The following BTAF1 variants were observed in gnomAD, a reference collection of about 807,000 sequenced individuals.
BTAF1 encodes the protein B-TFIID TATA-box binding protein associated factor 1, also known as TATA-binding protein-associated factor 172.
BTAF1 carries 38 observed loss-of-function variants against 227.1 expected under a neutral mutation model. That is an observed-to-expected ratio of 0.17 (90% CI 0.13 to 0.22). The LOEUF (loss-of-function observed/expected upper bound fraction) is 0.22. Ranked by LOEUF, BTAF1 falls within the 10% of genes least tolerant of loss-of-function variation. The probability of loss-of-function intolerance (pLI) is 1.00; values close to 1 mark genes in which losing one functional copy is unlikely to be tolerated. For missense variants in BTAF1, 1,598 were observed against 2,204.0 expected (o/e 0.73, Z 5.51); for synonymous variants, 742 against 751.9 (o/e 0.99, Z 0.21).
Position 92,015,263 on chromosome 10 carries a change from C to G in BTAF1, c.4585-1077C>G, listed in dbSNP as rs183418354. On this transcript the variant is annotated intron_variant, in intron 32 of 37. Coordinates refer to ENST00000265990, the MANE Select transcript of BTAF1 (RefSeq NM_003972.3). ...TCCTTGTCTTAGTAAGACATGGCCT[C>G]TGGGTCAGAATTTTCTCTTTGAAAA... Among the ~76,000 whole-genome samples the G allele has an allele frequency of 2.2e-3, 331 of 152,284 alleles. 1 individual carries two copies. The highest frequency in any genetic ancestry group is 7.7e-3 in the African/African-American group (319 of 41,556).
At chr10:91,969,659 A>T (rs1391310905) in intron 14 of BTAF1, among the ~76,000 whole-genome samples, 2 of 152,164 alleles carry the variant, frequency 1.3e-5, no homozygotes, top group East Asian at 3.8e-4. Flanking sequence ...ATAAGATCCC[A>T]AGATTGTTAT....
rs1223172151 is a variant in BTAF1 at position 91,997,745 on chromosome 10, A to G, written c.3654A>G (p.Pro1218=). Reference sequence around the variant, plus strand: ...TTGCAACGCTAATTAGACTCATGCCACTTGAGGTAAGTCAAAGATACTTGC... The same window carrying G: ...TTGCAACGCTAATTAGACTCATGCCGCTTGAGGTAAGTCAAAGATACTTGC... ...QCFATLIRLM[P]LEAGIPDPPN... is the part of the protein sequence containing the mutation. The change falls in exon 25 of 38, where the codon CCA becomes CCG. Residue 1218 remains proline (P), a synonymous_variant. Transcript: ENST00000265990. The G allele has an allele frequency of 1.2e-6, 2 of 1,613,112 alleles. No homozygotes were observed. Among genetic ancestry groups the G allele is most frequent in the East Asian group, 4.5e-5 (2 of 44,892 alleles).
At chr10:92,021,410 G>C (rs1171751325) in intron 34 of BTAF1, among the ~76,000 whole-genome samples, 3 of 152,156 alleles carry the variant, frequency 2.0e-5, no homozygotes, top group Non-Finnish European at 4.4e-5. Flanking sequence ...TATAAGAACG[G>C]TGTGAATTAG....
chr10:91,949,732 T>A (rs1016132650), intron 4 of BTAF1, among the ~76,000 whole-genome samples: 2 of 152,182 alleles, frequency 1.3e-5, no homozygotes, highest in African/African-American at 4.8e-5. Flanking sequence ...TACAGAGAAT[T>A]TTGGCCCTCT....
intron 19 of BTAF1, among the ~76,000 whole-genome samples, chr10:91,986,581 A>G (rs978665054): frequency 9.2e-5 from 14 of 152,066 alleles, no homozygotes; most frequent in Non-Finnish European, 1.8e-4. Flanking sequence ...CTTCTTTTAT[A>G]AAGTTATTTT....
intron 1 of BTAF1, among the ~76,000 whole-genome samples, chr10:91,925,273 T>G (rs558578074): frequency 6.6e-6 from 1 of 152,246 alleles, no homozygotes; most frequent in Admixed American, 6.5e-5. Context: ...ACATTTTACA[T>G]TTTTGCAAAT....
intron 33 of BTAF1, among the ~76,000 whole-genome samples, chr10:92,018,448 A>G (rs911608113): frequency 4.6e-5 from 7 of 152,216 alleles, no homozygotes; most frequent in African/African-American, 1.7e-4. Context: ...TTCCAGAAGC[A>G]TCTGTCTGCA....
intron 2 of BTAF1, among the ~76,000 whole-genome samples, chr10:91,939,015 G>T (rs1165208720): frequency 6.9e-6 from 1 of 145,668 alleles, no homozygotes. Context: ...GATAGGAATT[G>T]TGTTGAATCT....
chr10:92,008,778 GAA>G, intron 26 of BTAF1, 49 bp from the exon 27 acceptor site: 12 of 1,474,998 alleles, frequency 8.1e-6, no homozygotes, highest in Non-Finnish European at 1.1e-5. Flanking sequence ...GTTTTTATAA[GAA>G]AAAATAAATT....
At chr10:91,946,204 C>A (rs1245318667) in intron 4 of BTAF1, among the ~76,000 whole-genome samples, 2 of 152,072 alleles carry the variant, frequency 1.3e-5, no homozygotes, top group African/African-American at 4.8e-5. Flanking sequence ...ACTAAAAATA[C>A]AAAAATTAGC....
chr10:91,945,308 T>A (rs72823189), intron 4 of BTAF1, among the ~76,000 whole-genome samples: 5,780 of 152,228 alleles, frequency 0.038, 167 homozygotes, highest in Non-Finnish European at 0.053. Context: ...AAAATATATA[T>A]AACAAAAAAT....
In BTAF1 at chr10:92,029,679, CATAT is replaced by C. The variant is rs140055778; in HGVS notation, c.*752_*755del. 6.6e-6 allele frequency: 1 copy of C among 151,722 alleles called. No individual in the cohort carries two copies. The highest frequency in any genetic ancestry group is 1.5e-5 in the Non-Finnish European group (1 of 67,888). 9.4% of individuals were successfully genotyped at this position (151,722 alleles called of 1,614,324 possible). On this transcript the variant is annotated 3_prime_UTR_variant, in exon 38 of 38. Coordinates refer to ENST00000265990, the MANE Select transcript of BTAF1 (RefSeq NM_003972.3). The stretch of plus-strand genomic sequence containing the variant: ...ACATATGTACTCAATAGGTTTCAAT[CATAT>C]ATATAATATATTTTTTGTAACTATG...
chr10:91,971,153 T>C (rs77029981), intron 14 of BTAF1, among the ~76,000 whole-genome samples: 5,164 of 152,316 alleles, frequency 0.034, 124 homozygotes, highest in Non-Finnish European at 0.052. Context: ...ATTATGCTTT[T>C]AGCTTCTTTT....
intron 30 of BTAF1, 63 bp downstream of exon 30, chr10:92,011,478 G>A: frequency 1.3e-6 from 1 of 792,432 alleles, no homozygotes; most frequent in Non-Finnish European, 1.7e-6. Flanking sequence ...TTGCCAGGTG[G>A]AGGGTAGGCT....
chr10:91,929,038 T>C (rs1337430555), intron 1 of BTAF1, among the ~76,000 whole-genome samples: 1 of 152,124 alleles, frequency 6.6e-6, no homozygotes, highest in East Asian at 1.9e-4. Flanking sequence ...GGTTGCAAAC[T>C]CCTGGGCTCC....
At position 92,008,335 on chromosome 10, in the gene BTAF1, G is replaced by A. The variant is rs1850069145; in HGVS notation, c.3813+60G>A. 2.2e-6 allele frequency: 3 copies of A among 1,390,914 alleles called. No homozygotes were observed. In the East Asian group the frequency reaches 7.8e-5, roughly 36 times the overall value. The allele number at this position is 1,390,914 out of a possible 1,614,324, so 86.2% of individuals were successfully genotyped here. A position where few individuals can be genotyped will look rare whatever the true frequency, so the allele number is the denominator to read the frequency against. ...ATGAACCTTGAAGCGTTGTGGGTTT[G>A]TTGGGGGGGGCTTTTGTTTCTTTTT... On this transcript the variant is annotated intron_variant, in intron 26 of 37. Coordinates refer to ENST00000265990, the MANE Select transcript of BTAF1 (RefSeq NM_003972.3).
intron 25 of BTAF1, among the ~76,000 whole-genome samples, chr10:92,004,028 T>C (rs1302622109): frequency 1.3e-5 from 2 of 152,220 alleles, no homozygotes; most frequent in Non-Finnish European, 2.9e-5. Context: ...GCTGGCCATT[T>C]GTATTTTTTT....
At chr10:91,937,851 C>G (rs1043977094) in intron 2 of BTAF1, among the ~76,000 whole-genome samples, 1 of 152,060 alleles carries the variant, frequency 6.6e-6, no homozygotes, top group African/African-American at 2.4e-5. Context: ...GAGGAACTGC[C>G]AAACTATTTT....
intron 1 of BTAF1, among the ~76,000 whole-genome samples, chr10:91,926,570 CAA>C (rs1843847417): frequency 6.6e-6 from 1 of 152,134 alleles, no homozygotes; most frequent in Non-Finnish European, 1.5e-5. Flanking sequence ...ATCTCTAGTC[CAA>C]GACACCTTTA....
Sources: gnomAD v4.1 joint callset for allele counts (sites outside exome capture counted in the v4.1 genomes callset) on GRCh38, gnomAD v4.1.1 for gene constraint, MANE v1.5 for transcripts, NCBI Gene and HGNC (gene_info 2026-07-23, HGNC 2026-07-21) for gene names.